The following SVOPL variants were observed in gnomAD, a reference collection of about 807,000 sequenced individuals.
SVOPL encodes putative transporter SVOPL.
SVOPL carries 60 observed loss-of-function variants against 61.0 expected under a neutral mutation model. That is an observed-to-expected ratio of 0.98 (90% CI 0.80 to 1.22). SVOPL has a LOEUF of 1.22. SVOPL is among the 50% of genes most tolerant of loss of function. SVOPL has a pLI of 0.00. For missense variants in SVOPL, 662 were observed against 643.9 expected (o/e 1.03, Z -0.30); for synonymous variants, 279 against 250.0 (o/e 1.12, Z -1.09).
intron 9 of SVOPL, among the ~76,000 whole-genome samples, chr7:138,637,403 A>C (rs1415355361): frequency 6.7e-6 from 1 of 148,570 alleles, no homozygotes; most frequent in East Asian, 2.0e-4. Context: ...ATGCCAGCCT[A>C]GGTGACAGAG....
intron 1 of SVOPL, chr7:138,689,553 A>C: frequency 1.9e-6 from 1 of 534,890 alleles, no homozygotes; most frequent in South Asian, 2.1e-5. Context: ...ATGAAATTAA[A>C]AGTAAAAAAA....
chr7:138,688,275 G>T (rs200574635), intron 1 of SVOPL, among the ~76,000 whole-genome samples: 41 of 146,016 alleles, frequency 2.8e-4, no homozygotes, highest in East Asian at 2.2e-3. Flanking sequence ...AAATTTTGGG[G>T]TTTTTTTTTT....
At chr7:138,631,686 G>A (rs899544573) in intron 9 of SVOPL, among the ~76,000 whole-genome samples, 3 of 151,982 alleles carry the variant, frequency 2.0e-5, no homozygotes, top group Non-Finnish European at 2.9e-5. Flanking sequence ...CTTGTGCTTC[G>A]GCTTCCCGAG....
At chr7:138,652,072 T>G (rs1285329159) in intron 7 of SVOPL, among the ~76,000 whole-genome samples, 1 of 151,566 alleles carries the variant, frequency 6.6e-6, no homozygotes, top group Non-Finnish European at 1.5e-5. Flanking sequence ...GCCAATTTTT[T>G]TTTCCCCCTC....
chr7:138,696,713 C>G (rs1429947696), intron 1 of SVOPL, among the ~76,000 whole-genome samples: 1 of 152,084 alleles, frequency 6.6e-6, no homozygotes, highest in Admixed American at 6.6e-5. Context: ...CGTGAGCCAC[C>G]GCACCCTGGT....
intron 1 of SVOPL, among the ~76,000 whole-genome samples, chr7:138,690,615 A>C (rs1216103628): frequency 6.6e-6 from 1 of 152,122 alleles, no homozygotes; most frequent in African/African-American, 2.4e-5. Flanking sequence ...GAAATAGATG[A>C]GTGGTTGCGG....
At chr7:138,612,447 T>TAAAAA (rs59229265) in intron 14 of SVOPL, among the ~76,000 whole-genome samples, 17 of 22,290 alleles carry the variant, frequency 7.6e-4, no homozygotes, top group Non-Finnish European at 1.0e-3. Context: ...AAAAAAAAAA[T>TAAAAA]AAAAAAAAAA....
Position 138,672,094 on chromosome 7 carries a change from C to T in SVOPL, c.198G>A (p.Met66Ile), listed in dbSNP as rs374457370. 1.9e-6 allele frequency: 3 copies of T among 1,551,714 alleles called. No homozygotes were observed. Among genetic ancestry groups the T allele is most frequent in the Admixed American group, 2.0e-5 (1 of 51,010 alleles). Reference sequence around the variant, plus strand: ...TGACAGGAGACACAACAGCTATCAACATGATCTCCATGGCCTCAACCACCT... The same window carrying T: ...TGACAGGAGACACAACAGCTATCAATATGATCTCCATGGCCTCAACCACCT... The part of the protein sequence containing the change: ...STGVVEAMEI[M>I]LIAVVSPVIR... The change falls in exon 4 of 16, where the codon ATG (methionine) becomes ATA (isoleucine). Residue 66 changes from methionine to isoleucine, a missense_variant. Met to Ile is a conservative substitution (Grantham distance 10). Transcript: ENST00000674285.
chr7:138,599,422 T>C (rs958874799), intron 14 of SVOPL, among the ~76,000 whole-genome samples: 9 of 152,162 alleles, frequency 5.9e-5, no homozygotes, highest in East Asian at 1.9e-4. Flanking sequence ...CAAGTATCTA[T>C]GGACATTTGG....
chr7:138,612,508 AT>A (rs71178002), intron 14 of SVOPL, among the ~76,000 whole-genome samples: 1,244 of 70,796 alleles, frequency 0.018, 24 homozygotes, highest in African/African-American at 0.047. Flanking sequence ...GCCAGACTTA[AT>A]TTTTTTTTTT....
chr7:138,650,792 A>G (rs1801391194), intron 7 of SVOPL, among the ~76,000 whole-genome samples: 1 of 133,354 alleles, frequency 7.5e-6, no homozygotes, highest in African/African-American at 2.9e-5. Context: ...CAGCCTGGGT[A>G]ACAGAGAGAG....
At chr7:138,639,116 A>C (rs933146802) in intron 9 of SVOPL, among the ~76,000 whole-genome samples, 1 of 151,978 alleles carries the variant, frequency 6.6e-6, no homozygotes, top group Non-Finnish European at 1.5e-5. Context: ...TTAACTGGGC[A>C]TGGTGGCATA....
chr7:138,626,419 G>A (rs1027018663), intron 12 of SVOPL, among the ~76,000 whole-genome samples: 1 of 152,090 alleles, frequency 6.6e-6, no homozygotes, highest in Non-Finnish European at 1.5e-5. Context: ...TTAAGACAGA[G>A]TCTGGCTCTG....
chr7:138,678,607 C>T (rs997762419), intron 2 of SVOPL, 82 bp from the exon 3 acceptor site: 2 of 1,375,854 alleles, frequency 1.5e-6, no homozygotes, highest in African/African-American at 2.9e-5. Flanking sequence ...GAAAGCCAAC[C>T]CATTATTATA....
Position 138,628,303 on chromosome 7 carries a change from C to G in SVOPL, c.924G>C (p.Arg308=). The G allele has an allele frequency of 6.2e-7, 1 of 1,614,186 alleles. No individual in the cohort carries two copies. The highest frequency in any genetic ancestry group is 8.5e-7 in the Non-Finnish European group (1 of 1,180,040). Reference sequence around the variant, plus strand: ...CTGACTTTGAACCACAGACCAAGTCCCGCTCCAGCAGCTCAGCACTGGCCA... The same window carrying G: ...CTGACTTTGAACCACAGACCAAGTCGCGCTCCAGCAGCTCAGCACTGGCCA... ...VILASAELLE[R]DLVCGSKSDS... is the part of the protein sequence containing the mutation. Residue 308 remains arginine, a synonymous_variant, in exon 11 of 16, where the codon CGG becomes CGC. Coordinates refer to ENST00000674285, the MANE Select transcript of SVOPL (RefSeq NM_001139456.2).
chr7:138,615,542 A>C (rs2116841694), intron 14 of SVOPL, among the ~76,000 whole-genome samples: 1 of 117,112 alleles, frequency 8.5e-6, no homozygotes. Flanking sequence ...CCTGGGTGAC[A>C]GAGCGAGACT....
chr7:138,679,168 C>T (rs1802647629), intron 1 of SVOPL, 89 bp from the exon 2 acceptor site: 2 of 883,854 alleles, frequency 2.3e-6, no homozygotes, highest in African/African-American at 1.7e-5. Context: ...ACAAAATTTC[C>T]TGAAGCCCTC....
intron 13 of SVOPL, chr7:138,625,126 G>C (rs1328317892): frequency 1.3e-5 from 2 of 152,284 alleles, no homozygotes; most frequent in African/African-American, 4.8e-5. Flanking sequence ...AAAGAGGATT[G>C]ATTTTTTTGT....
At chr7:138,613,931 G>A (rs986053188) in intron 14 of SVOPL, among the ~76,000 whole-genome samples, 2 of 152,066 alleles carry the variant, frequency 1.3e-5, no homozygotes, top group Admixed American at 6.6e-5. Flanking sequence ...TTTAACCATC[G>A]GCTTTCAAAA....
Sources: allele counts gnomAD v4.1 joint callset (sites outside exome capture counted in the v4.1 genomes callset), GRCh38; gene constraint gnomAD v4.1.1; transcripts MANE v1.5; gene names NCBI Gene and HGNC (gene_info 2026-07-23, HGNC 2026-07-21).